FBXO24: variants seen among roughly 807,000 people sequenced by gnomAD.
The protein encoded by FBXO24 is F-box protein 24.
In FBXO24, 30 loss-of-function variants were observed where a neutral mutation model predicts 63.5. That is an observed-to-expected ratio of 0.47 (90% confidence interval 0.35 to 0.64). The LOEUF is 0.64. Among genes scored for constraint, FBXO24 ranks in the 30% least tolerant of loss-of-function variants. FBXO24 has a pLI of 0.00. For synonymous variants in FBXO24, 300 were observed against 305.0 expected (o/e 0.98, Z 0.17); for missense variants, 624 against 763.4 (o/e 0.82, Z 2.15).
chr7:100,600,702 G>A lies in FBXO24; in HGVS notation c.1546G>A (p.Ala516Thr), dbSNP rs1464051029. The change falls in exon 10 of 10, where the codon GCC becomes ACC. Residue 516 changes from alanine to threonine, a missense_variant. Physicochemically the swap from Ala to Thr is moderately conservative, Grantham distance 58. Transcript: ENST00000241071. The surrounding 1 kb of genome is among the most constrained non-coding windows in gnomAD (Gnocchi z 6.3). ...AGCACCCCAGGACCCCGGGGGGATG[G>A]CCCAGGCCTGCGAGGAGTACCTCAG... ...ARAPQDPGGM[A>T]QACEEYLSQI... The A allele has an allele frequency of 6.2e-7, 1 of 1,614,196 alleles. No homozygotes were observed. The highest frequency in any genetic ancestry group is 8.5e-7 in the Non-Finnish European group (1 of 1,180,012).
chr7:100,600,289 G>T lies in FBXO24; in HGVS notation c.1377+88G>T. 1 of 1,428,496 alleles carries T rather than the reference G, an allele frequency of 7.0e-7. No homozygotes were observed. The highest frequency in any genetic ancestry group is 9.3e-7 in the Non-Finnish European group (1 of 1,079,398). 88.5% of individuals were successfully genotyped at this position (1,428,496 alleles called of 1,614,324 possible). On this transcript the variant is annotated intron_variant, in intron 9 of 9. Coordinates refer to ENST00000241071, the MANE Select transcript of FBXO24 (RefSeq NM_033506.3). The surrounding 1 kb of genome is among the most constrained non-coding windows in gnomAD (Gnocchi z 6.3). ...ACAGGCTGTAGCTGGGGCTCCTGCA[G>T]GGACCCAGGGGGTCCCATTTCCCTA...
In FBXO24 at chr7:100,591,642, C is replaced by T. The variant is rs201242836; in HGVS notation, c.323-25C>T. 10 of 1,607,614 alleles carry T rather than the reference C, an allele frequency of 6.2e-6. No homozygotes were observed. In the Admixed American group the frequency reaches 8.3e-5, roughly 13 times the overall value. On this transcript the variant is annotated intron_variant, in intron 3 of 9. Transcript: ENST00000241071. ...CCCTCGTGTCATCTCATCCCTTGAA[C>T]CTTCCATCTCCTTCCTTCCTCCAGA... is the stretch of plus-strand genomic sequence containing the variant.
chr7:100,600,465 C>G lies in FBXO24; in HGVS notation c.1378-69C>G. 1 of 1,520,556 alleles carries G rather than the reference C, an allele frequency of 6.6e-7. No homozygotes were observed. Among genetic ancestry groups the G allele is most frequent in the Non-Finnish European group, 8.8e-7 (1 of 1,135,892 alleles). 94.2% of individuals were successfully genotyped at this position (1,520,556 alleles called of 1,614,324 possible). A position where few individuals can be genotyped will look rare whatever the true frequency, so the allele number is the denominator to read the frequency against. ...GGAAGAATGCAATAGGCAGATTAGCCCGGGCACCCTGGGAAACCCTGCAAG... is the reference window on the plus strand; with the variant it reads ...GGAAGAATGCAATAGGCAGATTAGCGCGGGCACCCTGGGAAACCCTGCAAG... On this transcript the variant is annotated intron_variant, in intron 9 of 9. Coordinates refer to ENST00000241071, the MANE Select transcript of FBXO24 (RefSeq NM_033506.3). This position sits in a 1 kb window ranked among gnomAD's most constrained non-coding sequence, Gnocchi z 6.3.
chr7:100,592,455 C>T (rs1241566250), intron 4 of FBXO24, among the ~76,000 whole-genome samples: 7 of 152,112 alleles, frequency 4.6e-5, no homozygotes, highest in African/African-American at 7.2e-5. Flanking sequence ...CGTCAGACCT[C>T]GTGAGAACCC....
intron 8 of FBXO24, 36 bp from the exon 9 acceptor site, chr7:100,599,990 TTGGTG>T: frequency 2.0e-6 from 2 of 978,418 alleles, no homozygotes; most frequent in Non-Finnish European, 3.0e-6. Context: ...CCCCCGTCCC[TTGGTG>T]CTCCCTGCTC....
At position 100,591,907 on chromosome 7, in the gene FBXO24, G is replaced by A; in HGVS notation, c.558+5G>A. 6.2e-7 allele frequency: 1 copy of A among 1,613,912 alleles called. No homozygotes were observed. The highest frequency in any genetic ancestry group is 8.5e-7 in the Non-Finnish European group (1 of 1,179,764). On this transcript the variant is annotated splice_donor_5th_base_variant and intron_variant, in intron 4 of 9. Transcript: ENST00000241071. ...TTGTGTCGTGGAGCCAAGGATGTGA[G>A]TAGCAGAACCCTGGCAGCTGAGAGC...
intron 1 of FBXO24, among the ~76,000 whole-genome samples, chr7:100,587,032 G>A (rs1282295342): frequency 6.6e-6 from 1 of 152,218 alleles, no homozygotes; most frequent in Non-Finnish European, 1.5e-5. Flanking sequence ...AATGGAGAGG[G>A]GACCAGACCA....
Position 100,594,281 on chromosome 7 carries a change from G to A in FBXO24, c.794-102G>A. The A allele has an allele frequency of 7.6e-7, 1 of 1,322,100 alleles. No homozygotes were observed. The highest frequency in any genetic ancestry group is 1.3e-5 in the South Asian group (1 of 74,118). The allele number at this position is 1,322,100 out of a possible 1,614,324, so 81.9% of individuals were successfully genotyped here. A position where few individuals can be genotyped will look rare whatever the true frequency, so the allele number is the denominator to read the frequency against. On this transcript the variant is annotated intron_variant, in intron 5 of 9. Coordinates refer to ENST00000241071, the MANE Select transcript of FBXO24 (RefSeq NM_033506.3). The surrounding 1 kb of genome is among the most constrained non-coding windows in gnomAD (Gnocchi z 4.2). ...TTATTTCTTTCTCAGCCCCACTCTA[G>A]GGCAGTAAATGTGTCACCCATATGG...
At chr7:100,597,809 C>A (rs1250586905) in intron 8 of FBXO24, among the ~76,000 whole-genome samples, 2 of 151,992 alleles carry the variant, frequency 1.3e-5, no homozygotes, top group Non-Finnish European at 2.9e-5. Context: ...TCAAGAGATC[C>A]TCCCGCCTCA....
intron 7 of FBXO24, 126 bp from the exon 8 acceptor site, chr7:100,595,449 A>G: frequency 7.7e-7 from 1 of 1,295,914 alleles, no homozygotes; most frequent in African/African-American, 1.5e-5. Context: ...GTGAGATCCC[A>G]TCTCTAAAAT....
chr7:100,591,662 T>C lies in FBXO24; in HGVS notation c.323-5T>C. 6.2e-7 allele frequency: 1 copy of C among 1,613,758 alleles called. No individual in the cohort carries two copies. The highest frequency in any genetic ancestry group is 8.5e-7 in the Non-Finnish European group (1 of 1,179,670). On this transcript the variant is annotated splice_region_variant and splice_polypyrimidine_tract_variant and intron_variant, in intron 3 of 9. Coordinates refer to ENST00000241071, the MANE Select transcript of FBXO24 (RefSeq NM_033506.3). ...TTGAACCTTCCATCTCCTTCCTTCC[T>C]CCAGACACGAAGGGCCTGTATTTCC...
intron 4 of FBXO24, chr7:100,592,174 G>C: frequency 2.6e-6 from 1 of 384,826 alleles, no homozygotes; most frequent in Non-Finnish European, 4.9e-6. Flanking sequence ...CAGGAGAATT[G>C]CTTGAACTTG....
In FBXO24 at chr7:100,586,482, A is replaced by T; in HGVS notation, c.-144A>T. Reference sequence around the variant, plus strand: ...GCAGGAAAACGGGCCGAGGGACCGCAAGCAGGGGGTGCCTAGTCCTCGTCC... The same window carrying T: ...GCAGGAAAACGGGCCGAGGGACCGCTAGCAGGGGGTGCCTAGTCCTCGTCC... On this transcript the variant is annotated 5_prime_UTR_variant, in exon 1 of 10. Coordinates refer to ENST00000241071, the MANE Select transcript of FBXO24 (RefSeq NM_033506.3). The T allele has an allele frequency of 1.2e-6, 1 of 843,044 alleles. No individual in the cohort carries two copies. Among genetic ancestry groups the T allele is most frequent in the Non-Finnish European group, 1.9e-6 (1 of 514,986 alleles). The allele number at this position is 843,044 out of a possible 1,614,324, so 52.2% of individuals were successfully genotyped here.
At position 100,594,678 on chromosome 7, in the gene FBXO24, T is replaced by C. The variant is rs566375507; in HGVS notation, c.952+137T>C. 9.8e-7 allele frequency: 1 copy of C among 1,016,808 alleles called. No individual in the cohort carries two copies. The highest frequency in any genetic ancestry group is 2.1e-5 in the South Asian group (1 of 46,916). The allele number at this position is 1,016,808 out of a possible 1,614,324, so 63.0% of individuals were successfully genotyped here. A position where few individuals can be genotyped will look rare whatever the true frequency, so the allele number is the denominator to read the frequency against. On this transcript the variant is annotated intron_variant, in intron 6 of 9. Coordinates refer to ENST00000241071, the MANE Select transcript of FBXO24 (RefSeq NM_033506.3). The surrounding 1 kb of genome is among the most constrained non-coding windows in gnomAD (Gnocchi z 4.2). ...TGAAAAGATGTGTTTAGGGCCGGCA[T>C]GGTGACTCATGCCTGTAATCCCATC...
At chr7:100,587,859 A>G (rs1038707159) in intron 1 of FBXO24, among the ~76,000 whole-genome samples, 5 of 150,092 alleles carry the variant, frequency 3.3e-5, no homozygotes, top group African/African-American at 1.2e-4. Flanking sequence ...CTGCCTCCCA[A>G]AGTACTGGGA....
rs751600080 is a variant in FBXO24, at chr7:100,600,975, T to C, written c.*76T>C. The C allele has an allele frequency of 8.0e-5, 123 of 1,529,570 alleles. No homozygotes were observed. The Admixed American group carries it at 8.2e-4, about 10-fold the overall frequency. The allele number at this position is 1,529,570 out of a possible 1,614,324, so 94.7% of individuals were successfully genotyped here. A position where few individuals can be genotyped will look rare whatever the true frequency, so the allele number is the denominator to read the frequency against. On this transcript the variant is annotated 3_prime_UTR_variant, in exon 10 of 10. Transcript: ENST00000241071. The surrounding 1 kb of genome is among the most constrained non-coding windows in gnomAD (Gnocchi z 6.3). ...AGGGACTAAGGAGCAATGACCATTG[T>C]GCACATGCGTGTGGGAAGGGGTTGC...
At chr7:100,597,479 C>T (rs147680584) in intron 8 of FBXO24, among the ~76,000 whole-genome samples, 4,357 of 152,088 alleles carry the variant, frequency 0.029, 77 homozygotes, top group Middle Eastern at 0.088. Context: ...CTCACTGCAA[C>T]CTCTGCCTCC....
At position 100,600,365 on chromosome 7, in the gene FBXO24, C is replaced by G. The variant is rs755829526; in HGVS notation, c.1377+164C>G. 1.3e-5 allele frequency among the ~76,000 whole-genome samples: 2 copies of G among 152,202 alleles called. No homozygotes were observed. Among genetic ancestry groups the G allele is most frequent in the African/African-American group, 4.8e-5 (2 of 41,440 alleles). Reference sequence around the variant, plus strand: ...CGCACACCACGCTCTCTGCTTTCTCCCTTAGCAGACTGTGCTGGCCTTGCC... The same window carrying G: ...CGCACACCACGCTCTCTGCTTTCTCGCTTAGCAGACTGTGCTGGCCTTGCC... On this transcript the variant is annotated intron_variant, in intron 9 of 9. Coordinates refer to ENST00000241071, the MANE Select transcript of FBXO24 (RefSeq NM_033506.3). This position sits in a 1 kb window ranked among gnomAD's most constrained non-coding sequence, Gnocchi z 6.3.
chr7:100,600,295 CA>C lies in FBXO24; in HGVS notation c.1377+95del. ...TGTAGCTGGGGCTCCTGCAGGGACC[CA>C]GGGGGTCCCATTTCCCTAGCACCAC... is the stretch of plus-strand genomic sequence containing the variant. On this transcript the variant is annotated intron_variant, in intron 9 of 9. Coordinates refer to ENST00000241071, the MANE Select transcript of FBXO24 (RefSeq NM_033506.3). This position sits in a 1 kb window ranked among gnomAD's most constrained non-coding sequence, Gnocchi z 6.3. 1.4e-6 allele frequency: 2 copies of C among 1,422,428 alleles called. No homozygotes were observed. The highest frequency in any genetic ancestry group is 2.5e-5 in the East Asian group (1 of 39,870). 88.1% of individuals were successfully genotyped at this position (1,422,428 alleles called of 1,614,324 possible). A position where few individuals can be genotyped will look rare whatever the true frequency, so the allele number is the denominator to read the frequency against.
Sources: allele counts gnomAD v4.1 joint callset (sites outside exome capture counted in the v4.1 genomes callset), GRCh38; gene constraint gnomAD v4.1.1; non-coding constraint Gnocchi (gnomAD v3.1); transcripts MANE v1.5; gene names NCBI Gene and HGNC (gene_info 2026-07-23, HGNC 2026-07-21).